PNPLA3: variants seen among roughly 807,000 people sequenced by gnomAD.
The protein encoded by PNPLA3 is 1-acylglycerol-3-phosphate O-acyltransferase PNPLA3.
Under a neutral mutation model 43.1 loss-of-function variants are expected in PNPLA3, and 42 were observed. That is an observed-to-expected ratio of 0.97 (90% confidence interval 0.76 to 1.26). The LOEUF (loss-of-function observed/expected upper bound fraction) is 1.26. Ranked by LOEUF, PNPLA3 falls within the 50% of genes most tolerant of loss-of-function variation. The pLI is 0.00. For missense variants in PNPLA3, 647 were observed against 621.4 expected (o/e 1.04, Z -0.44); for synonymous variants, 272 against 253.6 (o/e 1.07, Z -0.69).
chr22:43,936,956 C>G, intron 5 of PNPLA3, 95 bp from the exon 6 acceptor site: 1 of 996,006 alleles, frequency 1.0e-6, no homozygotes, highest in Non-Finnish European at 1.5e-6. Flanking sequence ...TAATAACAGG[C>G]CAGCTGCCTG....
chr22:43,940,590 T>C (rs1035639123), intron 7 of PNPLA3, among the ~76,000 whole-genome samples: 12 of 151,580 alleles, frequency 7.9e-5, no homozygotes, highest in African/African-American at 2.9e-4. Flanking sequence ...GGGTGGATCA[T>C]GTGAGGTCAG....
At chr22:43,936,889 G>A (rs532521934) in intron 5 of PNPLA3, among the ~76,000 whole-genome samples, 162 bp from the exon 6 acceptor site, 1 of 152,170 alleles carries the variant, frequency 6.6e-6, no homozygotes, top group Admixed American at 6.5e-5. Context: ...CCCTTTCTCC[G>A]GGTGACAAAC....
At chr22:43,944,354 C>T (rs2050049783) in intron 7 of PNPLA3, among the ~76,000 whole-genome samples, 1 of 152,192 alleles carries the variant, frequency 6.6e-6, no homozygotes, top group South Asian at 2.1e-4. Flanking sequence ...CACAGCAAAC[C>T]ATGAGGCAGG....
At chr22:43,946,036 G>C in intron 8 of PNPLA3, 118 bp from the exon 9 acceptor site, 2 of 909,060 alleles carry the variant, frequency 2.2e-6, no homozygotes, top group Non-Finnish European at 3.5e-6. Flanking sequence ...GGCTGTGACG[G>C]CACCCTAGAG....
intron 5 of PNPLA3, among the ~76,000 whole-genome samples, chr22:43,935,017 G>C (rs1215619082): frequency 4.6e-5 from 7 of 152,052 alleles, no homozygotes; most frequent in African/African-American, 1.7e-4. Flanking sequence ...GTTTAACAAG[G>C]GCCGAAGTTA....
At chr22:43,941,148 C>CAAAAAAAAAA (rs577344067) in intron 7 of PNPLA3, among the ~76,000 whole-genome samples, 1 of 79,912 alleles carries the variant, frequency 1.3e-5, no homozygotes, top group Admixed American at 1.7e-4. Flanking sequence ...AACTCCGACT[C>CAAAAAAAAAA]AAAAAAAAAA....
chr22:43,929,462 C>G lies in PNPLA3; in HGVS notation c.486+573C>G, dbSNP rs186859096. Reference sequence around the variant, plus strand: ...CTGCACTCCATCCTGGGTGACAGAGCGAGACTCTATCTCAAAAAGAAAAAA... The same window carrying G: ...CTGCACTCCATCCTGGGTGACAGAGGGAGACTCTATCTCAAAAAGAAAAAA... On this transcript the variant is annotated intron_variant, in intron 3 of 8. Transcript: ENST00000216180. 3.6e-5 allele frequency among the ~76,000 whole-genome samples: 5 copies of G among 137,216 alleles called. 1 individual carries two copies. In the South Asian group the frequency reaches 1.2e-3, roughly 32 times the overall value. The allele number at this position is 137,216 out of a possible 152,430, so 90.0% of individuals were successfully genotyped here. A position where few individuals can be genotyped will look rare whatever the true frequency, so the allele number is the denominator to read the frequency against.
intron 1 of PNPLA3, 22 bp downstream of exon 1, chr22:43,924,120 G>C (rs754202963): frequency 7.3e-6 from 11 of 1,513,088 alleles, no homozygotes; most frequent in African/African-American, 1.4e-5. Context: ...GACGCTGCCC[G>C]GGCTCCACGT....
At chr22:43,944,429 G>C (rs1273686875) in intron 7 of PNPLA3, among the ~76,000 whole-genome samples, 1 of 152,176 alleles carries the variant, frequency 6.6e-6, no homozygotes, top group East Asian at 1.9e-4. Context: ...CTCCAAGCTG[G>C]GAAGAGCCCT....
At chr22:43,944,424 A>G (rs2050050252) in intron 7 of PNPLA3, among the ~76,000 whole-genome samples, 2 of 152,104 alleles carry the variant, frequency 1.3e-5, no homozygotes, top group African/African-American at 4.8e-5. Context: ...CTCCTCTCCA[A>G]GCTGGGAAGA....
chr22:43,942,679 C>T, intron 7 of PNPLA3, among the ~76,000 whole-genome samples: 1 of 149,494 alleles, frequency 6.7e-6, no homozygotes, highest in African/African-American at 2.5e-5. Context: ...TCTGTTATTC[C>T]TTCCCTTCCA....
At position 43,937,203 on chromosome 22, in the gene PNPLA3, C is replaced by A; in HGVS notation, c.910C>A (p.His304Asn). Residue 304 changes from histidine (H) to asparagine (N), a missense_variant, in exon 6 of 9, where the codon CAC becomes AAC. His to Asn is a moderately conservative substitution (Grantham distance 68). Transcript: ENST00000216180. ...VRLEGDELLD[H>N]LRLSILPWDE... The stretch of plus-strand genomic sequence containing the variant: ...GCTGGAGGGAGATGAGCTGCTAGAC[C>A]ACCTGCGTCTCAGCATCCTGCCCTG... The A allele has an allele frequency of 6.2e-7, 1 of 1,614,166 alleles. No individual in the cohort carries two copies. Among genetic ancestry groups the A allele is most frequent in the Non-Finnish European group, 8.5e-7 (1 of 1,180,024 alleles).
At chr22:43,927,614 A>G (rs975432348) in intron 2 of PNPLA3, among the ~76,000 whole-genome samples, 15 of 135,782 alleles carry the variant, frequency 1.1e-4, no homozygotes, top group Non-Finnish European at 2.1e-4. Flanking sequence ...GTAAACCCTG[A>G]ATGTTCCAGG....
chr22:43,934,901 G>A (rs974868206), intron 5 of PNPLA3, among the ~76,000 whole-genome samples: 1 of 152,108 alleles, frequency 6.6e-6, no homozygotes, highest in African/African-American at 2.4e-5. Context: ...GAGGGGCAGA[G>A]CCGAGATTTG....
chr22:43,938,186 G>C (rs1380899945), intron 6 of PNPLA3, among the ~76,000 whole-genome samples: 4 of 152,174 alleles, frequency 2.6e-5, no homozygotes, highest in Non-Finnish European at 4.4e-5. Context: ...CATTTTGTTA[G>C]AGTAGCCTGA....
chr22:43,932,781 T>A, intron 3 of PNPLA3, 97 bp from the exon 4 acceptor site: 1 of 1,085,904 alleles, frequency 9.2e-7, no homozygotes, highest in Non-Finnish European at 1.4e-6. Context: ...TGTTTGTGGC[T>A]CTGAGAAGCT....
At chr22:43,937,361 T>A in intron 6 of PNPLA3, 89 bp downstream of exon 6, 1 of 1,222,946 alleles carries the variant, frequency 8.2e-7, no homozygotes, top group Non-Finnish European at 1.2e-6. Flanking sequence ...ATGGGAGCGA[T>A]AGGGTGAGGC....
At chr22:43,937,346 GC>G in intron 6 of PNPLA3, 74 bp downstream of exon 6, 1 of 1,408,384 alleles carries the variant, frequency 7.1e-7, no homozygotes, top group Non-Finnish European at 9.8e-7. Flanking sequence ...AGATGGTACT[GC>G]CACATGGGAG....
At chr22:43,939,236 G>C (rs550566700) in intron 6 of PNPLA3, 11 of 336,822 alleles carry the variant, frequency 3.3e-5, no homozygotes, top group African/African-American at 2.5e-4. Context: ...TGATGTAGCT[G>C]TTTCTGTGCA....
Sources: allele counts gnomAD v4.1 joint callset (sites outside exome capture counted in the v4.1 genomes callset), GRCh38; gene constraint gnomAD v4.1.1; transcripts MANE v1.5; gene names NCBI Gene and HGNC (gene_info 2026-07-23, HGNC 2026-07-21).